The following ERC2 variants were observed in gnomAD, a reference collection of about 807,000 sequenced individuals.
The protein encoded by ERC2 is ERC protein 2.
A neutral mutation model predicts 114.8 loss-of-function variants in ERC2; 42 were observed. That is an observed-to-expected ratio of 0.37 (90% CI 0.29 to 0.47). The LOEUF (loss-of-function observed/expected upper bound fraction) is 0.47. Among genes scored for constraint, ERC2 ranks in the 20% least tolerant of loss-of-function variants. The pLI is 0.99. For missense variants in ERC2, 939 were observed against 1,150.7 expected, an observed-to-expected ratio of 0.82 and a Z score of 2.66; for synonymous variants, 454 against 425.5, an observed-to-expected ratio of 1.07 and a Z score of -0.82.
At chr3:56,090,782 T>A (rs2077745725) in intron 6 of ERC2, among the ~76,000 whole-genome samples, 1 of 117,136 alleles carries the variant, frequency 8.5e-6, no homozygotes, top group South Asian at 3.4e-4. Flanking sequence ...CAATGCTCCC[T>A]GGCTCCCCCT....
chr3:55,694,449 A>AT (rs1400375383), intron 16 of ERC2, among the ~76,000 whole-genome samples: 18 of 152,354 alleles, frequency 1.2e-4, no homozygotes, highest in African/African-American at 4.1e-4. Flanking sequence ...AACTGATCAC[A>AT]TAAGTATCAT....
At chr3:56,250,572 C>T (rs940767217) in intron 3 of ERC2, among the ~76,000 whole-genome samples, 3 of 152,154 alleles carry the variant, frequency 2.0e-5, no homozygotes, top group East Asian at 1.9e-4. Flanking sequence ...CAAGCTGAGG[C>T]GCTTGTTCCA....
chr3:56,168,114 T>C (rs1452229700), intron 4 of ERC2, among the ~76,000 whole-genome samples: 3 of 152,176 alleles, frequency 2.0e-5, no homozygotes, highest in Admixed American at 6.6e-5. Flanking sequence ...GAGAAACTTA[T>C]GTTCAAATCT....
intron 15 of ERC2, among the ~76,000 whole-genome samples, chr3:55,733,455 C>CTCAT (rs768312742): frequency 1.0e-5 from 1 of 99,092 alleles, no homozygotes; most frequent in African/African-American, 3.4e-5. Flanking sequence ...CTCTCATTCT[C>CTCAT]TCTCTCTCTC....
intron 17 of ERC2, among the ~76,000 whole-genome samples, chr3:55,610,057 A>C: frequency 1.1e-5 from 1 of 93,952 alleles, no homozygotes; most frequent in African/African-American, 4.6e-5. Flanking sequence ...AAACAAACAA[A>C]CACAAACAAA....
intron 4 of ERC2, among the ~76,000 whole-genome samples, chr3:56,161,393 G>A (rs1361148169): frequency 6.6e-6 from 1 of 152,124 alleles, no homozygotes; most frequent in Non-Finnish European, 1.5e-5. Flanking sequence ...TTCTTTTTTG[G>A]TTCCATATGA....
chr3:55,940,049 C>G (rs2066686159), intron 13 of ERC2, among the ~76,000 whole-genome samples: 1 of 152,146 alleles, frequency 6.6e-6, no homozygotes, highest in Non-Finnish European at 1.5e-5. Context: ...GCCAGGTATT[C>G]TATATTACCA....
chr3:56,125,207 CTCTT>C lies in ERC2; in HGVS notation c.1473+14298_1473+14301del, dbSNP rs199914763. Reference sequence around the variant, plus strand: ...GTATATTATCTTTCATAAATCTTCTCTCTTTCTAAAATATGTAGGATAAATATTT... The same window carrying C: ...GTATATTATCTTTCATAAATCTTCTCTCTAAAATATGTAGGATAAATATTT... On this transcript the variant is annotated intron_variant, in intron 6 of 17. Coordinates refer to ENST00000288221, the MANE Select transcript of ERC2 (RefSeq NM_015576.3). Among the ~76,000 whole-genome samples the C allele has an allele frequency of 5.1e-3, 774 of 152,272 alleles. 8 individuals carry two copies. Among genetic ancestry groups the C allele is most frequent in the African/African-American group, 0.018 (744 of 41,552 alleles).
intron 2 of ERC2, among the ~76,000 whole-genome samples, chr3:56,376,459 C>CAAAA (rs35882741): frequency 7.0e-6 from 1 of 143,704 alleles, no homozygotes. Context: ...TAATTGCTCC[C>CAAAA]AAAAAAAAAA....
chr3:56,343,192 T>TCTCTCTCTCTCTCTCTCACA (rs1376220124), intron 2 of ERC2, among the ~76,000 whole-genome samples: 5 of 126,210 alleles, frequency 4.0e-5, no homozygotes, highest in African/African-American at 1.5e-4. Context: ...TCTCTCTCTC[T>TCTCTCTCTCTCTCTCTCACA]CACACACACA....
chr3:55,858,894 C>T (rs541630085), intron 14 of ERC2, among the ~76,000 whole-genome samples: 1 of 152,122 alleles, frequency 6.6e-6, no homozygotes, highest in Non-Finnish European at 1.5e-5. Context: ...ACCCTGCCAG[C>T]CTTCCCTTAG....
intron 2 of ERC2, among the ~76,000 whole-genome samples, chr3:56,324,568 C>T (rs2057272696): frequency 1.3e-5 from 2 of 152,060 alleles, no homozygotes; most frequent in South Asian, 4.2e-4. Context: ...AGTTATGGAC[C>T]CACTGTAGGT....
intron 7 of ERC2, among the ~76,000 whole-genome samples, chr3:56,076,799 C>T (rs1441977998): frequency 1.3e-5 from 2 of 152,138 alleles, no homozygotes; most frequent in Non-Finnish European, 2.9e-5. Context: ...CTTAGAGCAT[C>T]ATGTCCATGC....
intron 14 of ERC2, among the ~76,000 whole-genome samples, chr3:55,749,553 A>G (rs2066529206): frequency 6.6e-6 from 1 of 152,204 alleles, no homozygotes; most frequent in Non-Finnish European, 1.5e-5. Flanking sequence ...TGCACCAATC[A>G]GTGCTCTGTA....
rs886713365 is a variant in ERC2 at position 55,859,591 on chromosome 3, G to C, written c.2564+28798C>G. ...CATTACAAACCATTTTGTTTTTTTA[G>C]CATGTGGTAATGTATCATCTTGCTT... On this transcript the variant is annotated intron_variant, in intron 14 of 17. Transcript: ENST00000288221. Among the ~76,000 whole-genome samples, 7 of 152,090 alleles carry C rather than the reference G, an allele frequency of 4.6e-5. No homozygotes were observed. In the East Asian group the frequency reaches 1.4e-3, roughly 30 times the overall value.
intron 17 of ERC2, among the ~76,000 whole-genome samples, chr3:55,615,977 G>A (rs1443934287): frequency 2.0e-5 from 3 of 152,120 alleles, no homozygotes; most frequent in Admixed American, 6.6e-5. Flanking sequence ...GTCTTCCAAC[G>A]ACAAACTCCA....
intron 8 of ERC2, among the ~76,000 whole-genome samples, chr3:56,014,491 G>A (rs892858314): frequency 7.9e-5 from 12 of 152,112 alleles, no homozygotes; most frequent in African/African-American, 1.2e-4. Context: ...GTACTGAGAC[G>A]CTGAGAGAAG....
intron 3 of ERC2, among the ~76,000 whole-genome samples, chr3:56,244,516 C>T (rs548327822): frequency 6.6e-6 from 1 of 151,888 alleles, no homozygotes; most frequent in South Asian, 2.1e-4. Flanking sequence ...GAAGACCTTC[C>T]AGTGGGATCA....
intron 3 of ERC2, among the ~76,000 whole-genome samples, chr3:56,223,992 T>C (rs866156319): frequency 1.3e-5 from 2 of 152,208 alleles, no homozygotes; most frequent in African/African-American, 4.8e-5. Context: ...AAATGACATA[T>C]AGATTTTAAA....
Sources: gnomAD v4.1 joint callset for allele counts (sites outside exome capture counted in the v4.1 genomes callset) on GRCh38, gnomAD v4.1.1 for gene constraint, MANE v1.5 for transcripts, NCBI Gene and HGNC (gene_info 2026-07-23, HGNC 2026-07-21) for gene names.